The following CD247 variants were observed in gnomAD, a reference collection of about 807,000 sequenced individuals.
The protein encoded by CD247 is CD247 molecule.
A neutral mutation model predicts 30.0 loss-of-function variants in CD247; 13 were observed. That is an observed-to-expected ratio of 0.43 (90% CI 0.28 to 0.69). CD247 has a LOEUF of 0.69. Ranked by LOEUF, CD247 falls within the 30% of genes least tolerant of loss-of-function variation. The pLI, the probability that CD247 is intolerant of heterozygous loss-of-function variation, is 0.16. For synonymous variants in CD247, 72 were observed against 80.0 expected, an observed-to-expected ratio of 0.90 and a Z score of 0.53; for missense variants, 193 against 212.6, an observed-to-expected ratio of 0.91 and a Z score of 0.57.
chr1:167,500,977 C>CAA lies in CD247; in HGVS notation c.58+17430_58+17431insTT, dbSNP rs549597812. ...AGAGGCTTACAGACTCATTTTCAAA[C>CAA]AGAGATGGAAAACTGGGAGTCAGAA... On this transcript the variant is annotated intron_variant, in intron 1 of 7. Coordinates refer to ENST00000362089, the MANE Select transcript of CD247 (RefSeq NM_198053.3). 2.9e-3 allele frequency among the ~76,000 whole-genome samples: 445 copies of CAA among 151,134 alleles called. 4 individuals carry two copies. The highest frequency in any genetic ancestry group is 0.01 in the African/African-American group (415 of 41,096).
At chr1:167,485,970 AAG>A (rs1416557138) in intron 1 of CD247, among the ~76,000 whole-genome samples, 1 of 152,072 alleles carries the variant, frequency 6.6e-6, no homozygotes, top group Non-Finnish European at 1.5e-5. Context: ...GGGGAGGGTT[AAG>A]AGTCATTGTG....
intron 1 of CD247, among the ~76,000 whole-genome samples, chr1:167,514,223 G>A (rs1278579113): frequency 6.6e-6 from 1 of 151,964 alleles, no homozygotes; most frequent in African/African-American, 2.4e-5. Flanking sequence ...TGCAACCTCC[G>A]CCTCCCGGGT....
chr1:167,440,385 A>G, intron 2 of CD247: 1 of 499,808 alleles, frequency 2.0e-6, no homozygotes, highest in Non-Finnish European at 3.7e-6. Context: ...CACCAGTAGC[A>G]TCGCCTTCCC....
intron 1 of CD247, among the ~76,000 whole-genome samples, chr1:167,475,310 C>A (rs1653700863): frequency 6.6e-6 from 1 of 152,134 alleles, no homozygotes; most frequent in South Asian, 2.1e-4. Flanking sequence ...TATATCCCTA[C>A]CCAGTCCCCT....
chr1:167,491,061 A>G (rs1022067356), intron 1 of CD247, among the ~76,000 whole-genome samples: 3 of 152,312 alleles, frequency 2.0e-5, no homozygotes, highest in Non-Finnish European at 4.4e-5. Flanking sequence ...ATTTTATTCT[A>G]TATTTACAAT....
At chr1:167,499,255 T>G (rs546884497) in intron 1 of CD247, among the ~76,000 whole-genome samples, 1 of 152,296 alleles carries the variant, frequency 6.6e-6, no homozygotes, top group East Asian at 1.9e-4. Flanking sequence ...CATTCTACAA[T>G]GCACAGAACA....
chr1:167,434,942 G>A (rs61806155), intron 5 of CD247: 116,218 of 366,640 alleles, frequency 0.32, 17,759 homozygotes, highest in South Asian at 0.39. Context: ...CCTTCCTCCG[G>A]AGCCCTCCTC....
At chr1:167,499,489 A>C (rs1445791434) in intron 1 of CD247, among the ~76,000 whole-genome samples, 1 of 152,198 alleles carries the variant, frequency 6.6e-6, no homozygotes, top group Non-Finnish European at 1.5e-5. Context: ...GTTAAGCTAG[A>C]TGGTGGGCAT....
intron 1 of CD247, among the ~76,000 whole-genome samples, chr1:167,449,688 C>T (rs888884600): frequency 4.6e-5 from 7 of 151,930 alleles, no homozygotes; most frequent in Non-Finnish European, 8.8e-5. Flanking sequence ...GTTGGGAGGC[C>T]GAGGTGGGCA....
At chr1:167,460,856 G>C (rs1002463157) in intron 1 of CD247, among the ~76,000 whole-genome samples, 1 of 152,182 alleles carries the variant, frequency 6.6e-6, no homozygotes, top group East Asian at 1.9e-4. Flanking sequence ...TGGGCTGGGA[G>C]ACACCAGGGG....
At position 167,494,988 on chromosome 1, in the gene CD247, C is replaced by T. The variant is rs776695650; in HGVS notation, c.58+23420G>A. Among the ~76,000 whole-genome samples the T allele has an allele frequency of 6.6e-6, 1 of 152,138 alleles. No homozygotes were observed. The highest frequency in any genetic ancestry group is 2.4e-5 in the African/African-American group (1 of 41,424). ...TTGTGTCCGAGGAGCAGTGTTGGAC[C>T]CTCAATTCAGACAAAGTGGGAAGGC... On this transcript the variant is annotated intron_variant, in intron 1 of 7. Coordinates refer to ENST00000362089, the MANE Select transcript of CD247 (RefSeq NM_198053.3). This position sits in a 1 kb window ranked among gnomAD's most constrained non-coding sequence, Gnocchi z 7.3.
At chr1:167,490,652 G>A (rs1654408442) in intron 1 of CD247, among the ~76,000 whole-genome samples, 1 of 152,054 alleles carries the variant, frequency 6.6e-6, no homozygotes, top group Non-Finnish European at 1.5e-5. Flanking sequence ...ATTTTTGAAG[G>A]TCGGGTACAG....
chr1:167,477,525 T>C (rs1653800254), intron 1 of CD247, among the ~76,000 whole-genome samples: 1 of 152,100 alleles, frequency 6.6e-6, no homozygotes, highest in African/African-American at 2.4e-5. Flanking sequence ...GTTTTTTGTT[T>C]TTTCCTTGAG....
At chr1:167,491,867 A>G (rs1264682266) in intron 1 of CD247, among the ~76,000 whole-genome samples, 2 of 152,244 alleles carry the variant, frequency 1.3e-5, no homozygotes, top group African/African-American at 2.4e-5. Flanking sequence ...TAAGCCAGAC[A>G]CAGAAAGACA....
intron 1 of CD247, among the ~76,000 whole-genome samples, chr1:167,467,843 T>G (rs1653328744): frequency 6.6e-6 from 1 of 152,196 alleles, no homozygotes. Flanking sequence ...TTTCCCATCA[T>G]GGACACTTTC....
intron 1 of CD247, among the ~76,000 whole-genome samples, chr1:167,476,330 C>G (rs940179125): frequency 6.6e-6 from 1 of 152,176 alleles, no homozygotes; most frequent in African/African-American, 2.4e-5. Flanking sequence ...CAAGCCCTAC[C>G]AAGCAAATAG....
intron 1 of CD247, among the ~76,000 whole-genome samples, chr1:167,465,205 C>G (rs913523674): frequency 6.6e-6 from 1 of 152,158 alleles, no homozygotes; most frequent in Non-Finnish European, 1.5e-5. Context: ...AAGGCGCCAG[C>G]CCCCTCCCCA....
chr1:167,433,767 G>A lies in CD247; in HGVS notation c.393+253C>T, dbSNP rs542261305. 6.6e-5 allele frequency among the ~76,000 whole-genome samples: 10 copies of A among 152,290 alleles called. No individual in the cohort carries two copies. In the South Asian group the frequency reaches 1.0e-3, roughly 16 times the overall value. Reference sequence around the variant, plus strand: ...ACTCGATGCTTCCTGTTATTAAAACGGACCTGCTTTTGCAAAGCTTAGGCT... The same window carrying A: ...ACTCGATGCTTCCTGTTATTAAAACAGACCTGCTTTTGCAAAGCTTAGGCT... On this transcript the variant is annotated intron_variant, in intron 6 of 7. Coordinates refer to ENST00000362089, the MANE Select transcript of CD247 (RefSeq NM_198053.3).
intron 1 of CD247, among the ~76,000 whole-genome samples, chr1:167,493,273 C>G (rs73030197): frequency 6.6e-6 from 1 of 152,016 alleles, no homozygotes; most frequent in Non-Finnish European, 1.5e-5. Context: ...GAACTCCTGA[C>G]TTCAGGCAAT....
Sources: allele counts gnomAD v4.1 joint callset (sites outside exome capture counted in the v4.1 genomes callset), GRCh38; gene constraint gnomAD v4.1.1; non-coding constraint Gnocchi (gnomAD v3.1); transcripts MANE v1.5; gene names NCBI Gene and HGNC (gene_info 2026-07-23, HGNC 2026-07-21).